Variants in SMARCA2 observed in about 807,000 individuals in gnomAD.
SMARCA2 encodes the protein SWI/SNF related BAF chromatin remodeling complex subunit ATPase 2.
A neutral mutation model predicts 199.8 loss-of-function variants in SMARCA2; 61 were observed. The observed-to-expected ratio is 0.31, with a 90% CI of 0.25 to 0.38. SMARCA2 has a LOEUF of 0.38. Ranked by LOEUF, SMARCA2 falls within the 10% of genes least tolerant of loss-of-function variation. The pLI, the probability that SMARCA2 is intolerant of heterozygous loss-of-function variation, is 1.00. For synonymous variants in SMARCA2, 935 were observed against 732.0 expected (o/e 1.28, Z -4.48); for missense variants, 1,344 against 2,012.2 (o/e 0.67, Z 6.35).
At chr9:2,188,245 T>TTA (rs1827629157) in intron 32 of SMARCA2, among the ~76,000 whole-genome samples, 1 of 152,122 alleles carries the variant, frequency 6.6e-6, no homozygotes, top group Non-Finnish European at 1.5e-5. Flanking sequence ...AACGTGTTAA[T>TTA]TATACTCTGT....
At chr9:2,148,517 T>A (rs1042783954) in intron 27 of SMARCA2, among the ~76,000 whole-genome samples, 1 of 151,382 alleles carries the variant, frequency 6.6e-6, no homozygotes, top group Non-Finnish European at 1.5e-5. Context: ...ATACTTTAAG[T>A]TTTAGGGTAC....
At chr9:2,113,856 G>T (rs900806047) in intron 24 of SMARCA2, among the ~76,000 whole-genome samples, 1 of 152,086 alleles carries the variant, frequency 6.6e-6, no homozygotes, top group East Asian at 1.9e-4. Flanking sequence ...TACTACTCGC[G>T]GGCTCGGTCT....
chr9:2,115,875 G>T lies in SMARCA2; in HGVS notation c.3510G>T (p.Arg1170=), dbSNP rs148467601. 3.0e-5 allele frequency: 49 copies of T among 1,614,050 alleles called. No individual in the cohort carries two copies. The African/African-American group carries it at 5.2e-4, about 17-fold the overall frequency. Residue 1170 remains arginine (R), a synonymous_variant, in exon 25 of 34, where the codon CGG becomes CGT. Coordinates refer to ENST00000349721, the MANE Select transcript of SMARCA2 (RefSeq NM_003070.5). The surrounding 1 kb of genome is among the most constrained non-coding windows in gnomAD (Gnocchi z 6.0). ...AHRIGQQNEV[R]VLRLCTVNSV... is the part of the protein sequence containing the mutation. ...GCATCGGGCAGCAGAACGAGGTCCG[G>T]GTACTGAGGCTCTGTACCGTGAACA...
At chr9:2,079,597 C>T (rs1215978765) in intron 14 of SMARCA2, among the ~76,000 whole-genome samples, 3 of 148,882 alleles carry the variant, frequency 2.0e-5, no homozygotes, top group East Asian at 3.9e-4. Context: ...TCGTGGATCT[C>T]CTTCCAAGAT....
rs1828019351 is a variant in SMARCA2, at chr9:2,193,267, A to T, written c.*528A>T. 2.0e-5 allele frequency: 3 copies of T among 152,828 alleles called. No homozygotes were observed. In the South Asian group the frequency reaches 6.2e-4, roughly 32 times the overall value. The allele number at this position is 152,828 out of a possible 1,614,324, so 9.5% of individuals were successfully genotyped here. On this transcript the variant is annotated 3_prime_UTR_variant, in exon 34 of 34. Transcript: ENST00000349721. ...TACAGTAGTTAGATTTCACCTGCAT[A>T]TACATTTTTCCATTTTATGCTCTAT... is the stretch of plus-strand genomic sequence containing the variant.
intron 29 of SMARCA2, among the ~76,000 whole-genome samples, chr9:2,179,953 T>G (rs564868571): frequency 6.6e-6 from 1 of 152,352 alleles, no homozygotes; most frequent in South Asian, 2.1e-4. Context: ...TTTGGGTGTA[T>G]AAATCTCAGA....
At chr9:2,159,843 T>G (rs751762943) in intron 27 of SMARCA2, 46 of 1,611,978 alleles carry the variant, frequency 2.9e-5, no homozygotes, top group Non-Finnish European at 3.7e-5. Context: ...CTCGCTGCTT[T>G]GCTGGCTTGT....
At position 2,056,639 on chromosome 9, in the gene SMARCA2, G is replaced by A. The variant is rs1820366857; in HGVS notation, c.1174-33G>A. The A allele has an allele frequency of 6.3e-7, 1 of 1,593,914 alleles. No individual in the cohort carries two copies. The highest frequency in any genetic ancestry group is 8.5e-7 in the Non-Finnish European group (1 of 1,171,068). Reference sequence around the variant, plus strand: ...GAGTTCAGGAACCTAGCTTCTGTTAGGGAAGGCTGTCTAACTGCTCTCTTC... The same window carrying A: ...GAGTTCAGGAACCTAGCTTCTGTTAAGGAAGGCTGTCTAACTGCTCTCTTC... On this transcript the variant is annotated intron_variant, in intron 6 of 33. Coordinates refer to ENST00000349721, the MANE Select transcript of SMARCA2 (RefSeq NM_003070.5). The surrounding 1 kb of genome is among the most constrained non-coding windows in gnomAD (Gnocchi z 4.0).
chr9:2,097,478 C>T lies in SMARCA2; in HGVS notation c.3078+7C>T, dbSNP rs1186554776. The T allele has an allele frequency of 7.0e-6, 11 of 1,564,434 alleles. No homozygotes were observed. The highest frequency in any genetic ancestry group is 9.7e-6 in the Non-Finnish European group (11 of 1,136,656). ...TATGTTTCAGCACATTGAGGTAAGT[C>T]TGTATTGTGTGTTTTGAGCCTGATT... On this transcript the variant is annotated splice_region_variant and intron_variant, in intron 21 of 33. Coordinates refer to ENST00000349721, the MANE Select transcript of SMARCA2 (RefSeq NM_003070.5).
At chr9:2,160,114 A>C in intron 27 of SMARCA2, 1 of 620,884 alleles carries the variant, frequency 1.6e-6, no homozygotes, top group Non-Finnish European at 2.6e-6. Context: ...ATGCGGGACA[A>C]TTTCCTTTTC....
At chr9:2,023,635 C>A (rs983687995) in intron 1 of SMARCA2, among the ~76,000 whole-genome samples, 1 of 152,178 alleles carries the variant, frequency 6.6e-6, no homozygotes, top group Non-Finnish European at 1.5e-5. Flanking sequence ...TAATGTTTCA[C>A]CGCTTATCCC....
At position 2,169,321 on chromosome 9, in the gene SMARCA2, T is replaced by C. The variant is rs916336309; in HGVS notation, c.4200-1098T>C. ...TCATTTCATATTGTAACTTTAGAAC[T>C]CTTCACAGCGGCCCCGTTGCCTACC... is the stretch of plus-strand genomic sequence containing the variant. On this transcript the variant is annotated intron_variant, in intron 28 of 33. Coordinates refer to ENST00000349721, the MANE Select transcript of SMARCA2 (RefSeq NM_003070.5). This position sits in a 1 kb window ranked among gnomAD's most constrained non-coding sequence, Gnocchi z 6.5. Among the ~76,000 whole-genome samples the C allele has an allele frequency of 1.3e-5, 2 of 152,190 alleles. No individual in the cohort carries two copies. The highest frequency in any genetic ancestry group is 2.9e-5 in the Non-Finnish European group (2 of 68,038).
Position 2,039,796 on chromosome 9 carries a change from A to AGCAGCC in SMARCA2, c.691_692insCGCAGC (p.Gln230_Gln231insProGln). The AGCAGCC allele has an allele frequency of 6.5e-7, 1 of 1,533,918 alleles. No individual in the cohort carries two copies. The highest frequency in any genetic ancestry group is 1.1e-5 in the South Asian group (1 of 89,444). On this transcript the variant is annotated inframe_insertion, in exon 4 of 34. Coordinates refer to ENST00000349721, the MANE Select transcript of SMARCA2 (RefSeq NM_003070.5). This position sits in a 1 kb window ranked among gnomAD's most constrained non-coding sequence, Gnocchi z 4.8. ...CAGCAACAGCAGCAGCAGCAGCAGC[A>AGCAGCC]GCAGCAGCAGCAGCAGCAGCAACAG...
chr9:2,040,710 A>G (rs1819567396), intron 4 of SMARCA2: 1 of 152,268 alleles, frequency 6.6e-6, no homozygotes, highest in Non-Finnish European at 1.5e-5. Context: ...ATAATAGACT[A>G]ACAGATTCAA....
chr9:2,156,090 C>G (rs968062833), intron 27 of SMARCA2, among the ~76,000 whole-genome samples: 6 of 152,142 alleles, frequency 3.9e-5, no homozygotes, highest in African/African-American at 7.2e-5. Flanking sequence ...TAGTTATGTG[C>G]TATACACAGT....
chr9:2,068,888 T>C (rs1324563731), intron 9 of SMARCA2: 2 of 152,114 alleles, frequency 1.3e-5, no homozygotes, highest in African/African-American at 4.8e-5. Flanking sequence ...AGATGAGACT[T>C]TCTTGGATAT....
At chr9:2,129,290 T>C (rs6475516) in intron 27 of SMARCA2, among the ~76,000 whole-genome samples, 44,065 of 151,922 alleles carry the variant, frequency 0.29, 11,639 homozygotes, top group African/African-American at 0.7. Context: ...TGGTGGCACG[T>C]GCCTGTAGTC....
rs1586729422 is a variant in SMARCA2 at position 2,123,995 on chromosome 9, G to T, written c.3981+58G>T. On this transcript the variant is annotated intron_variant, in intron 27 of 33. Transcript: ENST00000349721. The surrounding 1 kb of genome is among the most constrained non-coding windows in gnomAD (Gnocchi z 4.1). ...GGTGGAGGGTTTTTGGTGGCTTGGAGAAACCAGGGGCCTAGAGCTGGGATT... is the reference window on the plus strand; with the variant it reads ...GGTGGAGGGTTTTTGGTGGCTTGGATAAACCAGGGGCCTAGAGCTGGGATT... The T allele has an allele frequency of 2.8e-5, 38 of 1,363,496 alleles. No individual in the cohort carries two copies. The East Asian group carries it at 9.2e-4, about 33-fold the overall frequency. The allele number at this position is 1,363,496 out of a possible 1,614,324, so 84.5% of individuals were successfully genotyped here.
At chr9:2,182,096 T>C in intron 30 of SMARCA2, 45 bp from the exon 31 acceptor site, 1 of 1,222,262 alleles carries the variant, frequency 8.2e-7, no homozygotes, top group Non-Finnish European at 1.2e-6. Context: ...CGCTGAATTT[T>C]CCTCTCCCTC....
Sources: allele counts gnomAD v4.1 joint callset (sites outside exome capture counted in the v4.1 genomes callset), GRCh38; gene constraint gnomAD v4.1.1; non-coding constraint Gnocchi (gnomAD v3.1); transcripts MANE v1.5; gene names NCBI Gene and HGNC (gene_info 2026-07-23, HGNC 2026-07-21).